TBC1D22A: variants seen among roughly 807,000 people sequenced by gnomAD.
The protein encoded by TBC1D22A is TBC1 domain family member 22A, also known as putative GTPase activator.
In TBC1D22A, 38 loss-of-function variants were observed where a neutral mutation model predicts 60.2. That is an observed-to-expected ratio of 0.63 (90% confidence interval 0.49 to 0.83). TBC1D22A has a LOEUF of 0.83. Ranked by LOEUF, TBC1D22A falls within the 40% of genes least tolerant of loss-of-function variation. The pLI is 0.00. For synonymous variants in TBC1D22A, 302 were observed against 281.7 expected, an observed-to-expected ratio of 1.07 and a Z score of -0.72; for missense variants, 628 against 701.0, an observed-to-expected ratio of 0.90 and a Z score of 1.18.
chr22:46,953,143 A>T (rs980876254), intron 8 of TBC1D22A, among the ~76,000 whole-genome samples: 4 of 141,418 alleles, frequency 2.8e-5, no homozygotes, highest in African/African-American at 9.5e-5. Flanking sequence ...TTTGCATGAG[A>T]GACTTTTCTG....
chr22:47,053,289 T>C (rs2063287047), intron 11 of TBC1D22A, among the ~76,000 whole-genome samples: 1 of 152,218 alleles, frequency 6.6e-6, no homozygotes, highest in Admixed American at 6.5e-5. Context: ...GACGTGTCTT[T>C]GTTTCTCACG....
Position 46,804,319 on chromosome 22 carries a change from T to C in TBC1D22A, c.637+6699T>C, listed in dbSNP as rs549038957. ...TCTGTGATCATCATTAACGGAAATG[T>C]TATTGAAAGTTAGAGAAATGGAAAA... is the stretch of plus-strand genomic sequence containing the variant. On this transcript the variant is annotated intron_variant, in intron 4 of 12. Transcript: ENST00000337137. Among the ~76,000 whole-genome samples the C allele has an allele frequency of 2.6e-4, 39 of 152,388 alleles. No homozygotes were observed. The East Asian group carries it at 6.4e-3, about 25-fold the overall frequency.
intron 1 of TBC1D22A, among the ~76,000 whole-genome samples, chr22:46,765,957 ATGTGTGTGTGTGTGTGTGTG>A (rs747869318): frequency 3.9e-4 from 50 of 128,658 alleles, no homozygotes; most frequent in African/African-American, 7.2e-4. Flanking sequence ...CAGCTAATTT[ATGTGTGTGTGTGTGTGTGTG>A]TGTGTGTGTG....
At chr22:46,847,275 A>G (rs2087044243) in intron 4 of TBC1D22A, among the ~76,000 whole-genome samples, 1 of 152,250 alleles carries the variant, frequency 6.6e-6, no homozygotes, top group Non-Finnish European at 1.5e-5. Context: ...CCTGGGAGGC[A>G]GGAGGCCTGG....
At chr22:47,127,488 G>A (rs1193923433) in intron 12 of TBC1D22A, among the ~76,000 whole-genome samples, 3 of 149,198 alleles carry the variant, frequency 2.0e-5, no homozygotes, top group Non-Finnish European at 4.4e-5. Flanking sequence ...GCTTCCCCAA[G>A]TGCCGGGATG....
chr22:46,778,633 C>A (rs531687007), intron 1 of TBC1D22A, among the ~76,000 whole-genome samples: 64 of 152,250 alleles, frequency 4.2e-4, no homozygotes, highest in Non-Finnish European at 8.4e-4. Context: ...GATAACATTG[C>A]CTTCTTCTGG....
chr22:46,762,875 G>GGGGTCA, intron 1 of TBC1D22A, 27 bp downstream of exon 1: 2 of 1,470,476 alleles, frequency 1.4e-6, no homozygotes, highest in Non-Finnish European at 9.0e-7. Flanking sequence ...GGGCCAGGTC[G>GGGGTCA]GGGTCAGGGG....
chr22:46,842,381 G>A (rs2086808552), intron 4 of TBC1D22A, among the ~76,000 whole-genome samples: 1 of 152,218 alleles, frequency 6.6e-6, no homozygotes, highest in Non-Finnish European at 1.5e-5. Context: ...ATGGAGAAAA[G>A]CTGAAAGACT....
chr22:46,916,552 C>T (rs567620424), intron 8 of TBC1D22A, among the ~76,000 whole-genome samples: 10 of 152,324 alleles, frequency 6.6e-5, no homozygotes, highest in South Asian at 2.1e-4. Context: ...GGCACGTGCA[C>T]GCGGACATAC....
intron 8 of TBC1D22A, chr22:46,913,523 A>C (rs73888462): frequency 0.027 from 34,031 of 1,269,736 alleles, 595 homozygotes; most frequent in South Asian, 0.067. Flanking sequence ...ATTGCTAAGC[A>C]ACTAATGAGA....
intron 11 of TBC1D22A, among the ~76,000 whole-genome samples, chr22:47,100,163 T>C (rs1173320115): frequency 6.6e-6 from 1 of 152,146 alleles, no homozygotes; most frequent in East Asian, 1.9e-4. Flanking sequence ...TCCTGGCTTG[T>C]TCTTAGTACT....
chr22:46,900,199 T>A (rs956677120), intron 7 of TBC1D22A, among the ~76,000 whole-genome samples: 6 of 151,466 alleles, frequency 4.0e-5, no homozygotes, highest in Non-Finnish European at 7.4e-5. Context: ...CCTAGGCTGC[T>A]GGAGTGCAGT....
At chr22:47,158,320 G>A (rs2067805039) in intron 12 of TBC1D22A, among the ~76,000 whole-genome samples, 1 of 152,228 alleles carries the variant, frequency 6.6e-6, no homozygotes, top group African/African-American at 2.4e-5. Flanking sequence ...AAAGTCCCAG[G>A]TAGAGGAGTT....
intron 4 of TBC1D22A, among the ~76,000 whole-genome samples, chr22:46,815,373 C>G (rs1329706170): frequency 2.0e-5 from 3 of 152,210 alleles, no homozygotes; most frequent in Admixed American, 2.0e-4. Context: ...CCCTTCGTTT[C>G]CTCTGTATCA....
chr22:46,940,685 A>AAT (rs145692381), intron 8 of TBC1D22A, among the ~76,000 whole-genome samples: 94 of 131,860 alleles, frequency 7.1e-4, no homozygotes, highest in African/African-American at 1.5e-3. Flanking sequence ...GGGGCACTAG[A>AAT]ATATATATAT....
At chr22:47,057,251 T>C (rs16996260) in intron 11 of TBC1D22A, among the ~76,000 whole-genome samples, 6,433 of 152,312 alleles carry the variant, frequency 0.042, 420 homozygotes, top group African/African-American at 0.14. Flanking sequence ...GCTGGGGTTC[T>C]CTCCTTGTTC....
At chr22:46,947,674 G>A (rs1013310976) in intron 8 of TBC1D22A, among the ~76,000 whole-genome samples, 5 of 152,138 alleles carry the variant, frequency 3.3e-5, no homozygotes, top group Admixed American at 2.6e-4. Flanking sequence ...CCTTGCAAGT[G>A]TGATCTCTCC....
At chr22:46,848,441 A>G (rs977225921) in intron 4 of TBC1D22A, among the ~76,000 whole-genome samples, 2 of 152,206 alleles carry the variant, frequency 1.3e-5, no homozygotes, top group Non-Finnish European at 2.9e-5. Flanking sequence ...AGCAGGTTGT[A>G]TAAGAAGTTT....
At chr22:47,071,563 TACA>T in intron 11 of TBC1D22A, among the ~76,000 whole-genome samples, 1 of 152,234 alleles carries the variant, frequency 6.6e-6, no homozygotes. Flanking sequence ...CAATCAAAGT[TACA>T]ACGGGAAGCC....
Sources: gnomAD v4.1 joint callset for allele counts (sites outside exome capture counted in the v4.1 genomes callset) on GRCh38, gnomAD v4.1.1 for gene constraint, MANE v1.5 for transcripts, NCBI Gene and HGNC (gene_info 2026-07-23, HGNC 2026-07-21) for gene names.